CADM1: variants seen among roughly 807,000 people sequenced by gnomAD.
CADM1 encodes the protein cell adhesion molecule 1.
Under a neutral mutation model 53.1 loss-of-function variants are expected in CADM1, and 15 were observed. The ratio of observed to expected loss-of-function variants is 0.28; its 90% CI spans 0.19 to 0.44. The LOEUF is 0.44. Among genes scored for constraint, CADM1 ranks in the 20% least tolerant of loss-of-function variants. The pLI, the probability that CADM1 is intolerant of heterozygous loss-of-function variation, is 1.00. For synonymous variants in CADM1, 281 were observed against 243.0 expected, an observed-to-expected ratio of 1.16 and a Z score of -1.45; for missense variants, 434 against 611.3, an observed-to-expected ratio of 0.71 and a Z score of 3.06.
In CADM1 at chr11:115,173,689, C is replaced by CTT. The variant is rs11417765; in HGVS notation, c.*2783_*2784dup. ...ATATTTTATAGTACTTCTTTTTTTT[C>CTT]TTTTTTTTTTTGTAAAAATGGTATA... is the stretch of plus-strand genomic sequence containing the variant. On this transcript the variant is annotated 3_prime_UTR_variant, in exon 12 of 12. Coordinates refer to ENST00000331581, the MANE Select transcript of CADM1 (RefSeq NM_001301043.2). 0.018 allele frequency: 8,290 copies of CTT among 464,128 alleles called. No homozygotes were observed. Among genetic ancestry groups the CTT allele is most frequent in the Non-Finnish European group, 0.021 (7,669 of 357,202 alleles). The allele number at this position is 464,128 out of a possible 1,614,324, so 28.8% of individuals were successfully genotyped here.
chr11:115,186,578 G>A (rs939825931), intron 10 of CADM1, among the ~76,000 whole-genome samples: 9 of 152,146 alleles, frequency 5.9e-5, no homozygotes, highest in Non-Finnish European at 1.0e-4. Context: ...CCCATGCTTC[G>A]CTTCTCACTG....
At chr11:115,470,593 G>A (rs547632228) in intron 1 of CADM1, among the ~76,000 whole-genome samples, 1 of 152,178 alleles carries the variant, frequency 6.6e-6, no homozygotes, top group South Asian at 2.1e-4. Flanking sequence ...GTACAAATTA[G>A]GACATTTGCA....
At chr11:115,308,784 C>A (rs1418302022) in intron 1 of CADM1, among the ~76,000 whole-genome samples, 2 of 148,448 alleles carry the variant, frequency 1.3e-5, no homozygotes, top group African/African-American at 5.0e-5. Context: ...CCCTCCCTCC[C>A]TTCATCCTTC....
intron 1 of CADM1, among the ~76,000 whole-genome samples, chr11:115,368,936 G>C (rs964979618): frequency 2.6e-4 from 38 of 145,724 alleles, no homozygotes; most frequent in Non-Finnish European, 2.9e-4. Context: ...GGTGACTAAT[G>C]GCTACCCAAT....
At chr11:115,176,649 TAC>T (rs1435665445) in intron 11 of CADM1, 57 bp from the exon 12 acceptor site, 1 of 1,418,130 alleles carries the variant, frequency 7.1e-7, no homozygotes, top group Non-Finnish European at 1.0e-6. Flanking sequence ...TGTAAAGTGG[TAC>T]AGAGATGGCA....
chr11:115,191,033 T>A (rs960454816), intron 9 of CADM1, 92 bp from the exon 10 acceptor site: 3 of 1,039,094 alleles, frequency 2.9e-6, no homozygotes, highest in Non-Finnish European at 4.3e-6. Context: ...TTTAAAAACA[T>A]GAGCCAAATC....
At chr11:115,458,117 G>GTCTC (rs4019424) in intron 1 of CADM1, among the ~76,000 whole-genome samples, 6 of 149,262 alleles carry the variant, frequency 4.0e-5, no homozygotes, top group East Asian at 3.9e-4. Context: ...GGATACTAAA[G>GTCTC]TCTCTCTCTC....
chr11:115,363,283 C>T (rs976955577), intron 1 of CADM1, among the ~76,000 whole-genome samples: 1 of 152,122 alleles, frequency 6.6e-6, no homozygotes, highest in African/African-American at 2.4e-5. Context: ...CATCTCCTAC[C>T]GTTTTTCTGA....
intron 1 of CADM1, among the ~76,000 whole-genome samples, chr11:115,496,760 A>G (rs1294672075): frequency 3.9e-5 from 6 of 152,112 alleles, no homozygotes; most frequent in African/African-American, 1.4e-4. Flanking sequence ...CTTAGAAACA[A>G]TCAGCCCCAT....
chr11:115,412,779 G>A (rs1291074845), intron 1 of CADM1, among the ~76,000 whole-genome samples: 1 of 152,150 alleles, frequency 6.6e-6, no homozygotes, highest in Non-Finnish European at 1.5e-5. Flanking sequence ...AAAACTACAG[G>A]TGTTTTACAA....
intron 1 of CADM1, among the ~76,000 whole-genome samples, chr11:115,325,004 C>T (rs1051989979): frequency 1.3e-5 from 2 of 152,162 alleles, no homozygotes; most frequent in African/African-American, 4.8e-5. Context: ...GTATGAACAG[C>T]TTCACTGCAG....
At chr11:115,468,101 A>C (rs1463317328) in intron 1 of CADM1, among the ~76,000 whole-genome samples, 1 of 152,244 alleles carries the variant, frequency 6.6e-6, no homozygotes, top group Non-Finnish European at 1.5e-5. Context: ...ATCTACAAGA[A>C]AGATAAGTAA....
chr11:115,359,601 C>T (rs1442375564), intron 1 of CADM1, among the ~76,000 whole-genome samples: 2 of 152,108 alleles, frequency 1.3e-5, no homozygotes, highest in African/African-American at 2.4e-5. Context: ...TTGAATATGT[C>T]TTATATTCAG....
At chr11:115,339,509 T>TA (rs1165859915) in intron 1 of CADM1, among the ~76,000 whole-genome samples, 2 of 152,100 alleles carry the variant, frequency 1.3e-5, no homozygotes, top group Admixed American at 6.6e-5. Context: ...ATGGTGTAAT[T>TA]AAAAAAATCA....
At chr11:115,499,296 T>C (rs1041233580) in intron 1 of CADM1, among the ~76,000 whole-genome samples, 4 of 152,198 alleles carry the variant, frequency 2.6e-5, no homozygotes, top group African/African-American at 7.2e-5. Context: ...AATCTGAGCC[T>C]TCAGAAGCCT....
chr11:115,379,251 A>G (rs531248240), intron 1 of CADM1, among the ~76,000 whole-genome samples: 59 of 152,366 alleles, frequency 3.9e-4, no homozygotes, highest in African/African-American at 1.4e-3. Context: ...GGCTTTGCCA[A>G]TCTACTAAAA....
chr11:115,235,305 T>C (rs2134882089), intron 3 of CADM1, among the ~76,000 whole-genome samples: 1 of 152,292 alleles, frequency 6.6e-6, no homozygotes, highest in Non-Finnish European at 1.5e-5. Context: ...TGTTTTTCCT[T>C]TAGCTTCACA....
chr11:115,175,339 G>A lies in CADM1; in HGVS notation c.*1135C>T, dbSNP rs1938975860. On this transcript the variant is annotated 3_prime_UTR_variant, in exon 12 of 12. Transcript: ENST00000331581. The stretch of plus-strand genomic sequence containing the variant: ...ATATCTGTAATATACAGTACATGCA[G>A]GCCACATCCTACTGCCTTCCTAACT... 1.0e-6 allele frequency: 1 copy of A among 983,054 alleles called. No individual in the cohort carries two copies. The allele number at this position is 983,054 out of a possible 1,614,324, so 60.9% of individuals were successfully genotyped here. A position where few individuals can be genotyped will look rare whatever the true frequency, so the allele number is the denominator to read the frequency against.
chr11:115,376,705 A>G (rs1013125970), intron 1 of CADM1, among the ~76,000 whole-genome samples: 1 of 152,218 alleles, frequency 6.6e-6, no homozygotes, highest in African/African-American at 2.4e-5. Flanking sequence ...AACCCGTGGG[A>G]AACCTACCTG....
Sources: allele counts gnomAD v4.1 joint callset (sites outside exome capture counted in the v4.1 genomes callset), GRCh38; gene constraint gnomAD v4.1.1; transcripts MANE v1.5; gene names NCBI Gene and HGNC (gene_info 2026-07-23, HGNC 2026-07-21).